Variants in LRP1B observed in about 807,000 individuals in gnomAD.
LRP1B encodes LDL receptor related protein 1B, also known as low-density lipoprotein receptor-related protein 1B.
LRP1B carries 217 observed loss-of-function variants against 556.6 expected under a neutral mutation model. The observed-to-expected ratio is 0.39, with a 90% CI of 0.35 to 0.44. LRP1B has a LOEUF of 0.44. Ranked by LOEUF, LRP1B falls within the 20% of genes least tolerant of loss-of-function variation. The pLI, the probability that LRP1B is intolerant of heterozygous loss-of-function variation, is 1.00. For missense variants in LRP1B, 5,053 were observed against 5,620.8 expected (o/e 0.90, Z 3.23); for synonymous variants, 2,047 against 1,865.8 (o/e 1.10, Z -2.50).
intron 37 of LRP1B, among the ~76,000 whole-genome samples, chr2:140,705,521 CAA>C (rs565447198): frequency 2.9e-5 from 2 of 68,228 alleles, no homozygotes; most frequent in African/African-American, 1.4e-4. Flanking sequence ...GAGACTGTCT[CAA>C]AAAAAAAAAA....
intron 25 of LRP1B, among the ~76,000 whole-genome samples, chr2:140,868,944 C>CT (rs565138693): frequency 1.9e-3 from 286 of 152,188 alleles, no homozygotes; most frequent in Admixed American, 4.0e-3. Context: ...AAAACTGAAC[C>CT]TTCAAGCCAG....
At chr2:141,097,886 G>A (rs1700360837) in intron 7 of LRP1B, among the ~76,000 whole-genome samples, 1 of 152,130 alleles carries the variant, frequency 6.6e-6, no homozygotes, top group African/African-American at 2.4e-5. Flanking sequence ...CAAATTAAGT[G>A]AGCCTAGAAC....
At chr2:141,482,324 A>G (rs1033940765) in intron 2 of LRP1B, among the ~76,000 whole-genome samples, 1 of 152,110 alleles carries the variant, frequency 6.6e-6, no homozygotes, top group African/African-American at 2.4e-5. Context: ...CTGTAGCTTC[A>G]CTAGCTGAAT....
intron 1 of LRP1B, among the ~76,000 whole-genome samples, chr2:141,938,833 C>G (rs925549379): frequency 6.6e-6 from 1 of 151,954 alleles, no homozygotes; most frequent in African/African-American, 2.4e-5. Flanking sequence ...AAAGAAGGTC[C>G]TGTCATTTGT....
intron 2 of LRP1B, among the ~76,000 whole-genome samples, chr2:141,574,498 T>C (rs949682782): frequency 1.3e-5 from 2 of 152,096 alleles, no homozygotes; most frequent in Non-Finnish European, 2.9e-5. Flanking sequence ...TCATTCAGTA[T>C]CATATTGAAT....
chr2:141,194,166 T>G (rs962758344), intron 6 of LRP1B, among the ~76,000 whole-genome samples: 1 of 152,138 alleles, frequency 6.6e-6, no homozygotes, highest in Non-Finnish European at 1.5e-5. Flanking sequence ...TTTGAAACAG[T>G]TTTGCCATCC....
chr2:141,187,837 T>C (rs1681324893), intron 7 of LRP1B, among the ~76,000 whole-genome samples: 1 of 151,656 alleles, frequency 6.6e-6, no homozygotes, highest in African/African-American at 2.4e-5. Context: ...CTTGCAAAAT[T>C]GGGAAGTTAA....
chr2:141,257,799 T>A (rs999251186), intron 3 of LRP1B, among the ~76,000 whole-genome samples: 1 of 152,218 alleles, frequency 6.6e-6, no homozygotes, highest in Non-Finnish European at 1.5e-5. Flanking sequence ...ACTAACAATA[T>A]GAATACTAAA....
intron 2 of LRP1B, among the ~76,000 whole-genome samples, chr2:141,525,224 T>C (rs536190606): frequency 6.6e-6 from 1 of 152,044 alleles, no homozygotes; most frequent in Non-Finnish European, 1.5e-5. Context: ...GAGAAAGATA[T>C]GGAAGTCTTC....
At chr2:140,629,786 C>A (rs913431921) in intron 41 of LRP1B, among the ~76,000 whole-genome samples, 1 of 152,156 alleles carries the variant, frequency 6.6e-6, no homozygotes, top group Non-Finnish European at 1.5e-5. Context: ...ATGGGATTGG[C>A]ACTTACTACA....
chr2:140,901,624 A>G (rs1341436334), intron 23 of LRP1B, among the ~76,000 whole-genome samples: 1 of 152,198 alleles, frequency 6.6e-6, no homozygotes, highest in Non-Finnish European at 1.5e-5. Flanking sequence ...ATTTTTGACT[A>G]CAGTCACCCT....
intron 47 of LRP1B, among the ~76,000 whole-genome samples, chr2:140,530,320 G>A (rs1424432129): frequency 6.6e-6 from 1 of 152,034 alleles, no homozygotes; most frequent in African/African-American, 2.4e-5. Flanking sequence ...AAGAGAGAAG[G>A]GGTAACTGGA....
At chr2:142,125,330 G>T (rs1707603770) in intron 1 of LRP1B, among the ~76,000 whole-genome samples, 1 of 151,710 alleles carries the variant, frequency 6.6e-6, no homozygotes, top group South Asian at 2.1e-4. Context: ...AAAATAGAGG[G>T]TTCATATGTA....
intron 18 of LRP1B, among the ~76,000 whole-genome samples, chr2:140,975,688 C>A (rs961836215): frequency 6.6e-5 from 10 of 152,096 alleles, no homozygotes; most frequent in African/African-American, 1.9e-4. Flanking sequence ...CAGTGCTGGA[C>A]AATAATTATA....
chr2:141,123,263 T>G (rs75949242), intron 7 of LRP1B, among the ~76,000 whole-genome samples: 1 of 146,020 alleles, frequency 6.8e-6, no homozygotes, highest in South Asian at 2.1e-4. Flanking sequence ...AATAAATAAA[T>G]AAAAAAAAGA....
chr2:141,445,974 G>A (rs552538521), intron 3 of LRP1B, among the ~76,000 whole-genome samples: 1 of 152,264 alleles, frequency 6.6e-6, no homozygotes, highest in South Asian at 2.1e-4. Context: ...GAATATACTT[G>A]TTAATTTTCT....
At chr2:140,314,853 T>C in intron 83 of LRP1B, 82 bp downstream of exon 83, 4 of 957,116 alleles carry the variant, frequency 4.2e-6, no homozygotes, top group Non-Finnish European at 6.2e-6. Flanking sequence ...TTAGGAAGTA[T>C]ATTTGTAACA....
chr2:140,831,494 C>T (rs1384371734), intron 31 of LRP1B, among the ~76,000 whole-genome samples: 2 of 152,074 alleles, frequency 1.3e-5, no homozygotes, highest in African/African-American at 4.8e-5. Flanking sequence ...GACTAGATTC[C>T]TATCTCTTGC....
intron 1 of LRP1B, among the ~76,000 whole-genome samples, chr2:142,059,646 C>T (rs1267270753): frequency 2.6e-5 from 4 of 151,958 alleles, no homozygotes; most frequent in Non-Finnish European, 4.4e-5. Context: ...TCAAATTATA[C>T]GTAGGTAAGA....
Sources: gnomAD v4.1 joint callset for allele counts (sites outside exome capture counted in the v4.1 genomes callset) on GRCh38, gnomAD v4.1.1 for gene constraint, MANE v1.5 for transcripts, NCBI Gene and HGNC (gene_info 2026-07-23, HGNC 2026-07-21) for gene names.